INTU: variants seen among roughly 807,000 people sequenced by gnomAD.
INTU encodes inturned planar cell polarity protein, also known as protein inturned.
INTU carries 68 observed loss-of-function variants against 100.5 expected under a neutral mutation model. The ratio of observed to expected loss-of-function variants is 0.68; its 90% confidence interval spans 0.56 to 0.83. The LOEUF is 0.83. INTU is among the 40% of genes least tolerant of loss of function. INTU has a pLI of 0.00. For missense variants in INTU, 1,071 were observed against 1,114.7 expected, an observed-to-expected ratio of 0.96 and a Z score of 0.56; for synonymous variants, 357 against 395.7, an observed-to-expected ratio of 0.90 and a Z score of 1.16.
chr4:127,643,276 A>G (rs1205541462), intron 1 of INTU, among the ~76,000 whole-genome samples: 3 of 152,112 alleles, frequency 2.0e-5, no homozygotes, highest in East Asian at 1.9e-4. Flanking sequence ...TTCTATTGCT[A>G]TGCCTTTTTG....
At chr4:127,663,629 C>A (rs1578563463) in intron 4 of INTU, 45 bp downstream of exon 4, 1 of 1,514,672 alleles carries the variant, frequency 6.6e-7, no homozygotes. Flanking sequence ...TAGTCAAAAG[C>A]CCAAAGGAAA....
In INTU at chr4:127,723,770, G is replaced by C. The variant is rs1243450274; in HGVS notation, c.*7334G>C. On this transcript the variant is annotated 3_prime_UTR_variant, in exon 16 of 16. Transcript: ENST00000335251. Reference sequence around the variant, plus strand: ...GGATCACTTGAGTCCAGGAGTTCAAGACCAGCCTGAGCAACATAGCAAAAA... The same window carrying C: ...GGATCACTTGAGTCCAGGAGTTCAACACCAGCCTGAGCAACATAGCAAAAA... The C allele has an allele frequency of 6.6e-6, 1 of 151,642 alleles. No individual in the cohort carries two copies. 9.4% of individuals were successfully genotyped at this position (151,642 alleles called of 1,614,324 possible).
intron 1 of INTU, among the ~76,000 whole-genome samples, chr4:127,638,083 G>A (rs1162447509): frequency 6.6e-6 from 1 of 152,154 alleles, no homozygotes; most frequent in East Asian, 1.9e-4. Flanking sequence ...ATGATCAGAA[G>A]ACCATCAAGA....
chr4:127,660,784 G>A (rs1024634985), intron 3 of INTU, among the ~76,000 whole-genome samples: 1 of 152,120 alleles, frequency 6.6e-6, no homozygotes, highest in African/African-American at 2.4e-5. Context: ...CTTGTACCAG[G>A]TTAAAGTCTC....
intron 2 of INTU, among the ~76,000 whole-genome samples, chr4:127,654,690 A>G (rs1303747685): frequency 3.4e-5 from 5 of 147,746 alleles, no homozygotes; most frequent in East Asian, 4.0e-4. Flanking sequence ...TGAATCTGAC[A>G]ATTATGTGTC....
At chr4:127,700,505 A>G (rs1464249262) in intron 9 of INTU, among the ~76,000 whole-genome samples, 1 of 152,220 alleles carries the variant, frequency 6.6e-6, no homozygotes, top group Non-Finnish European at 1.5e-5. Context: ...ACCATGGTGT[A>G]TAAATAACAT....
chr4:127,696,129 A>G (rs1228288250), intron 8 of INTU, among the ~76,000 whole-genome samples: 1 of 152,094 alleles, frequency 6.6e-6, no homozygotes, highest in Non-Finnish European at 1.5e-5. Context: ...ATGTTCTTGA[A>G]AGATACTGGC....
intron 14 of INTU, 85 bp from the exon 15 acceptor site, chr4:127,713,851 C>A: frequency 1.1e-6 from 1 of 932,536 alleles, no homozygotes; most frequent in Non-Finnish European, 1.6e-6. Context: ...GTATTTGGAT[C>A]AGCCAATTCA....
At chr4:127,709,331 A>G (rs1731006447) in intron 13 of INTU, among the ~76,000 whole-genome samples, 1 of 151,388 alleles carries the variant, frequency 6.6e-6, no homozygotes, top group Non-Finnish European at 1.5e-5. Flanking sequence ...CTCAGTCACT[A>G]CACCCCTACA....
At chr4:127,665,942 A>C (rs752545617) in intron 4 of INTU, among the ~76,000 whole-genome samples, 1 of 152,192 alleles carries the variant, frequency 6.6e-6, no homozygotes, top group East Asian at 1.9e-4. Context: ...ACCTAAGTAG[A>C]TAGTTATTTT....
At chr4:127,709,711 T>TCACACACACACACACACACACA (rs3066389) in intron 13 of INTU, among the ~76,000 whole-genome samples, 79 of 143,388 alleles carry the variant, frequency 5.5e-4, no homozygotes, top group African/African-American at 1.9e-3. Flanking sequence ...CTAATAGAAT[T>TCACACACACACACACACACACA]CACACACACA....
rs1731277432 is a variant in INTU, at chr4:127,716,966, CTT to C, written c.*531_*532del. 2.0e-5 allele frequency: 3 copies of C among 152,106 alleles called. No homozygotes were observed. The highest frequency in any genetic ancestry group is 2.1e-4 in the South Asian group (1 of 4,830). The allele number at this position is 152,106 out of a possible 1,614,324, so 9.4% of individuals were successfully genotyped here. A position where few individuals can be genotyped will look rare whatever the true frequency, so the allele number is the denominator to read the frequency against. On this transcript the variant is annotated 3_prime_UTR_variant, in exon 16 of 16. Coordinates refer to ENST00000335251, the MANE Select transcript of INTU (RefSeq NM_015693.4). Reference sequence around the variant, plus strand: ...TTGCATTGAGGTTTCAAAAATACCTCTTAAGTAAAATGTGCTTTTATTTTATT... The same window carrying C: ...TTGCATTGAGGTTTCAAAAATACCTCAAGTAAAATGTGCTTTTATTTTATT...
rs1006761404 is a variant in INTU at position 127,645,267 on chromosome 4, A to G, written c.682+1211A>G. Among the ~76,000 whole-genome samples the G allele has an allele frequency of 3.3e-5, 5 of 152,326 alleles. No individual in the cohort carries two copies. In the South Asian group the frequency reaches 1.0e-3, roughly 32 times the overall value. Reference sequence around the variant, plus strand: ...GCCATGTGACTTAAGAGGTTGGATCATAAAAGGTGATGCAGCTTCTGCCTG... The same window carrying G: ...GCCATGTGACTTAAGAGGTTGGATCGTAAAAGGTGATGCAGCTTCTGCCTG... On this transcript the variant is annotated intron_variant, in intron 2 of 15. Coordinates refer to ENST00000335251, the MANE Select transcript of INTU (RefSeq NM_015693.4).
At chr4:127,678,864 G>C (rs1259149434) in intron 6 of INTU, among the ~76,000 whole-genome samples, 1 of 151,668 alleles carries the variant, frequency 6.6e-6, no homozygotes, top group South Asian at 2.1e-4. Context: ...CCCATCTCAC[G>C]TGCAGAGACA....
At chr4:127,681,002 A>G (rs1251823389) in intron 6 of INTU, among the ~76,000 whole-genome samples, 3 of 152,096 alleles carry the variant, frequency 2.0e-5, no homozygotes, top group South Asian at 2.1e-4. Flanking sequence ...CCCATTCACA[A>G]TTGCTTCAAA....
intron 2 of INTU, among the ~76,000 whole-genome samples, chr4:127,644,451 T>C (rs1389008245): frequency 6.6e-6 from 1 of 152,236 alleles, no homozygotes; most frequent in African/African-American, 2.4e-5. Flanking sequence ...ATAAAAATAC[T>C]TTTAAATTGT....
intron 4 of INTU, among the ~76,000 whole-genome samples, chr4:127,668,218 T>G (rs1728778567): frequency 6.6e-6 from 1 of 152,064 alleles, no homozygotes; most frequent in Non-Finnish European, 1.5e-5. Context: ...TTCATCTCTT[T>G]GTATGAAAGT....
At chr4:127,636,376 C>T (rs1157841202) in intron 1 of INTU, among the ~76,000 whole-genome samples, 1 of 151,942 alleles carries the variant, frequency 6.6e-6, no homozygotes, top group East Asian at 1.9e-4. Context: ...TTTGGAAGGC[C>T]GAGGCGGGCA....
chr4:127,674,564 G>A (rs1729086094), intron 6 of INTU, among the ~76,000 whole-genome samples: 1 of 152,172 alleles, frequency 6.6e-6, no homozygotes, highest in African/African-American at 2.4e-5. Flanking sequence ...GGAGGTTTTG[G>A]AGAATTAAGG....
Sources: allele counts gnomAD v4.1 joint callset (sites outside exome capture counted in the v4.1 genomes callset), GRCh38; gene constraint gnomAD v4.1.1; transcripts MANE v1.5; gene names NCBI Gene and HGNC (gene_info 2026-07-23, HGNC 2026-07-21).